PCNX2: variants seen among roughly 807,000 people sequenced by gnomAD.
PCNX2 encodes the protein pecanex 2, also known as pecanex-like protein 2.
In PCNX2, 168 loss-of-function variants were observed where a neutral mutation model predicts 223.8. That is an observed-to-expected ratio of 0.75 (90% CI 0.66 to 0.85). PCNX2 has a LOEUF of 0.85. Among genes scored for constraint, PCNX2 ranks in the 40% least tolerant of loss-of-function variants. PCNX2 has a pLI of 0.00. For missense variants in PCNX2, 2,507 were observed against 2,675.5 expected (o/e 0.94, Z 1.39); for synonymous variants, 1,006 against 1,052.6 (o/e 0.96, Z 0.86).
chr1:233,188,828 TTTTAAGTTAAATTTTAA>T (rs1448056267), intron 15 of PCNX2, among the ~76,000 whole-genome samples: 3 of 152,322 alleles, frequency 2.0e-5, no homozygotes, highest in East Asian at 3.9e-4. Context: ...GCAATCTCCC[TTTTAAGTTAAATTTTAA>T]TTTAAGTTAA....
At chr1:233,155,282 C>G (rs987269188) in intron 19 of PCNX2, among the ~76,000 whole-genome samples, 2 of 152,044 alleles carry the variant, frequency 1.3e-5, no homozygotes, top group African/African-American at 4.8e-5. Flanking sequence ...TCCTGCAGGG[C>G]GGAACCTAGT....
At chr1:233,024,194 C>T (rs769417487) in intron 26 of PCNX2, among the ~76,000 whole-genome samples, 1 of 152,198 alleles carries the variant, frequency 6.6e-6, no homozygotes, top group Non-Finnish European at 1.5e-5. Context: ...GGATTATAGG[C>T]GTGAACCACC....
rs1366956309 is a variant in PCNX2, at chr1:233,126,374, GC to G, written c.3837+8638del. On this transcript the variant is annotated intron_variant, in intron 21 of 33. Transcript: ENST00000258229. The surrounding 1 kb of genome is among the most constrained non-coding windows in gnomAD (Gnocchi z 4.8). The stretch of plus-strand genomic sequence containing the variant: ...TATGGTATATGCTATAGCATTCTCT[GC>G]AGGGGTCAAAAGGAAGAGGCAACAT... Among the ~76,000 whole-genome samples, 1 of 152,130 alleles carries G rather than the reference GC, an allele frequency of 6.6e-6. No individual in the cohort carries two copies. Among genetic ancestry groups the G allele is most frequent in the Non-Finnish European group, 1.5e-5 (1 of 68,014 alleles).
chr1:233,038,235 T>C (rs1291328005), intron 25 of PCNX2, among the ~76,000 whole-genome samples: 3 of 152,166 alleles, frequency 2.0e-5, no homozygotes, highest in East Asian at 3.8e-4. Context: ...TTTAGAAGCA[T>C]AAGAATAAGA....
chr1:233,179,228 G>A, intron 15 of PCNX2, 53 bp from the exon 16 acceptor site: 1 of 1,559,880 alleles, frequency 6.4e-7, no homozygotes, highest in Non-Finnish European at 8.8e-7. Flanking sequence ...GTGAATAGCA[G>A]GATCTCTATC....
rs941247961 is a variant in PCNX2, at chr1:233,148,727, T to A, written c.3518-8872A>T. Among the ~76,000 whole-genome samples the A allele has an allele frequency of 2.0e-5, 3 of 152,206 alleles. No individual in the cohort carries two copies. The East Asian group carries it at 5.8e-4, about 29-fold the overall frequency. The stretch of plus-strand genomic sequence containing the variant: ...TTAATTTCACTTTAATTCTTACTTA[T>A]CTTAGAATCCTCCTACCAATCTCAG... On this transcript the variant is annotated intron_variant, in intron 19 of 33. Transcript: ENST00000258229.
chr1:233,117,062 T>A (rs919731360), intron 21 of PCNX2, among the ~76,000 whole-genome samples: 3 of 152,074 alleles, frequency 2.0e-5, no homozygotes, highest in African/African-American at 7.2e-5. Flanking sequence ...AACAGATCAT[T>A]TCCAAAACAC....
chr1:233,200,889 G>A (rs1277585084), intron 13 of PCNX2, among the ~76,000 whole-genome samples: 1 of 151,424 alleles, frequency 6.6e-6, no homozygotes, highest in Admixed American at 6.6e-5. Context: ...AGCTGGGCGT[G>A]GTGGCGGGCG....
chr1:233,227,180 C>A (rs1474875468), intron 10 of PCNX2, 46 bp downstream of exon 10: 1 of 1,552,364 alleles, frequency 6.4e-7, no homozygotes, highest in South Asian at 1.2e-5. Flanking sequence ...ACTGTCACGT[C>A]CCCGGTGTGC....
At chr1:233,055,771 T>A (rs1368271245) in intron 24 of PCNX2, among the ~76,000 whole-genome samples, 2 of 152,030 alleles carry the variant, frequency 1.3e-5, no homozygotes, top group Non-Finnish European at 2.9e-5. Flanking sequence ...TCTATTTGAG[T>A]GGAGACAGAC....
intron 9 of PCNX2, among the ~76,000 whole-genome samples, chr1:233,232,190 T>C (rs1423246885): frequency 2.6e-5 from 4 of 152,242 alleles, no homozygotes; most frequent in Admixed American, 2.6e-4. Context: ...CTATTACAGA[T>C]AGTCTCTGAC....
chr1:233,213,999 T>C (rs575396657), intron 12 of PCNX2, among the ~76,000 whole-genome samples: 1 of 151,944 alleles, frequency 6.6e-6, no homozygotes, highest in South Asian at 2.1e-4. Context: ...CAGCTAATTT[T>C]TGTATTTTTA....
At chr1:233,054,204 T>G in intron 25 of PCNX2, 64 bp downstream of exon 25, 2 of 1,457,274 alleles carry the variant, frequency 1.4e-6, no homozygotes, top group Non-Finnish European at 1.9e-6. Flanking sequence ...CTTCCTAAAG[T>G]TTTGCTTGAT....
At chr1:233,053,529 GT>G (rs1672081342) in intron 25 of PCNX2, among the ~76,000 whole-genome samples, 8 of 152,148 alleles carry the variant, frequency 5.3e-5, no homozygotes, top group African/African-American at 1.9e-4. Context: ...AAGCTTCATG[GT>G]GATAAGACTC....
In PCNX2 at chr1:233,295,194, G is replaced by GCC. The variant is rs1662005672; in HGVS notation, c.153+130_153+131dup. ...ATGTTCTCTGTCCCAAATTTCTGAA[G>GCC]CCCCTCCCTTTCCGTCTCTTAAGAA... On this transcript the variant is annotated intron_variant, in intron 1 of 33. Transcript: ENST00000258229. This position sits in a 1 kb window ranked among gnomAD's most constrained non-coding sequence, Gnocchi z 4.1. 1 of 1,292,002 alleles carries GCC rather than the reference G, an allele frequency of 7.7e-7. No homozygotes were observed. The highest frequency in any genetic ancestry group is 1.5e-5 in the African/African-American group (1 of 66,600). 80.0% of individuals were successfully genotyped at this position (1,292,002 alleles called of 1,614,324 possible).
Position 233,025,346 on chromosome 1 carries a change from C to G in PCNX2, c.4405G>C (p.Asp1469His). The G allele has an allele frequency of 1.2e-6, 2 of 1,614,008 alleles. No individual in the cohort carries two copies. The highest frequency in any genetic ancestry group is 1.7e-6 in the Non-Finnish European group (2 of 1,179,890). The change falls in exon 26 of 34, where the codon GAC becomes CAC. Residue 1469 changes from aspartate to histidine, a missense_variant. Transcript: ENST00000258229. The part of the protein sequence containing the change: ...VEAIMEGDEE[D>H]RGCCCCKPGH... ...GGTTTGCAGCAGCAGCAGCCTCTGT[C>G]CTCCTCGTCGCCCTCCATGATGGCT... is the stretch of plus-strand genomic sequence containing the variant.
At chr1:233,117,780 GC>G (rs1213694963) in intron 21 of PCNX2, among the ~76,000 whole-genome samples, 1 of 151,830 alleles carries the variant, frequency 6.6e-6, no homozygotes, top group Non-Finnish European at 1.5e-5. Flanking sequence ...GGAGGCCGAG[GC>G]GGGCGGATCA....
chr1:233,259,418 A>C, intron 4 of PCNX2, 74 bp from the exon 5 acceptor site: 1 of 1,458,176 alleles, frequency 6.9e-7, no homozygotes, highest in South Asian at 1.4e-5. Flanking sequence ...CCTAATGAAT[A>C]ATAACAAAAC....
At chr1:233,182,144 AAT>A (rs1158916432) in intron 15 of PCNX2, among the ~76,000 whole-genome samples, 2 of 152,148 alleles carry the variant, frequency 1.3e-5, no homozygotes, top group Non-Finnish European at 2.9e-5. Flanking sequence ...AAGGGAAAAC[AAT>A]ACCTACTCAA....
Sources: gnomAD v4.1 joint callset for allele counts (sites outside exome capture counted in the v4.1 genomes callset) on GRCh38, gnomAD v4.1.1 for gene constraint, Gnocchi (gnomAD v3.1) non-coding constraint, MANE v1.5 for transcripts, NCBI Gene and HGNC (gene_info 2026-07-23, HGNC 2026-07-21) for gene names.